Variants in CMKLR1 observed in about 807,000 individuals in gnomAD.
The protein encoded by CMKLR1 is chemerin chemokine-like receptor 1.
Under a neutral mutation model 8.2 loss-of-function variants are expected in CMKLR1, and 6 were observed. The ratio of observed to expected loss-of-function variants is 0.73; its 90% CI spans 0.40 to 1.44. The LOEUF (loss-of-function observed/expected upper bound fraction) is 1.44, where lower values mean the gene tolerates loss of function less well. CMKLR1 is among the 40% of genes most tolerant of loss of function. The pLI is 0.02. For missense variants in CMKLR1, 429 were observed against 478.0 expected (o/e 0.90, Z 0.96); for synonymous variants, 178 against 181.2 (o/e 0.98, Z 0.14).
intron 2 of CMKLR1, among the ~76,000 whole-genome samples, chr12:108,319,945 A>G (rs1891820965): frequency 6.6e-6 from 1 of 152,246 alleles, no homozygotes; most frequent in Middle Eastern, 3.4e-3. Flanking sequence ...ATAGAATACA[A>G]AGATATAGTT....
intron 3 of CMKLR1, 36 bp downstream of exon 3, chr12:108,293,553 G>A (rs1171425628): frequency 1.9e-6 from 3 of 1,551,212 alleles, no homozygotes; most frequent in Non-Finnish European, 2.6e-6. Context: ...GTGGTCACTG[G>A]TGCCCTTTGG....
In CMKLR1 at chr12:108,288,952, G is replaced by GCCCC. The variant is rs756662711; in HGVS notation, c.*2888_*2889insGGGG. On this transcript the variant is annotated 3_prime_UTR_variant, in exon 4 of 4. Transcript: ENST00000550402. ...TTCTTGAAACAGAAACTCACTTTCT[G>GCCCC]CACCCCCCCCCCACCTTGCTATGAT... is the stretch of plus-strand genomic sequence containing the variant. 1 of 109,998 alleles carries GCCCC rather than the reference G, an allele frequency of 9.1e-6. No individual in the cohort carries two copies. Among genetic ancestry groups the GCCCC allele is most frequent in the African/African-American group, 3.4e-5 (1 of 29,646 alleles). The allele number at this position is 109,998 out of a possible 1,614,324, so 6.8% of individuals were successfully genotyped here.
rs1890946535 is a variant in CMKLR1, at chr12:108,290,943, T to C, written c.*898A>G. 6.6e-6 allele frequency: 1 copy of C among 152,186 alleles called. No homozygotes were observed. The highest frequency in any genetic ancestry group is 1.5e-5 in the Non-Finnish European group (1 of 68,044). 9.4% of individuals were successfully genotyped at this position (152,186 alleles called of 1,614,324 possible). On this transcript the variant is annotated 3_prime_UTR_variant, in exon 4 of 4. Transcript: ENST00000550402. The stretch of plus-strand genomic sequence containing the variant: ...GCACCTCCAGCCAGAGCTGAGTGGA[T>C]TAGGAAAGGCAGAAAAAAATCCCTG...
intron 2 of CMKLR1, chr12:108,317,789 T>C (rs887839077): frequency 2.0e-5 from 3 of 152,234 alleles, no homozygotes; most frequent in African/African-American, 7.2e-5. Context: ...GTTCAAACCA[T>C]CTAAAACTAT....
chr12:108,338,795 G>T (rs1294688702), intron 1 of CMKLR1, among the ~76,000 whole-genome samples: 1 of 152,200 alleles, frequency 6.6e-6, no homozygotes, highest in Non-Finnish European at 1.5e-5. Flanking sequence ...CTGTGGTTAA[G>T]CAGGTTACCA....
At chr12:108,332,764 G>T (rs1008510936) in intron 1 of CMKLR1, among the ~76,000 whole-genome samples, 8 of 152,072 alleles carry the variant, frequency 5.3e-5, no homozygotes, top group Non-Finnish European at 7.4e-5. Flanking sequence ...TGTAGAGAGT[G>T]AACCGTAAGA....
At chr12:108,312,992 G>A (rs1222551942) in intron 2 of CMKLR1, among the ~76,000 whole-genome samples, 8 of 152,074 alleles carry the variant, frequency 5.3e-5, no homozygotes. Context: ...CTCCTGCCTA[G>A]GCTGCCAGCC....
intron 1 of CMKLR1, among the ~76,000 whole-genome samples, chr12:108,337,140 C>T (rs1414882661): frequency 3.3e-5 from 5 of 152,142 alleles, no homozygotes; most frequent in African/African-American, 1.2e-4. Context: ...CCAAGGTGCC[C>T]CTTCTTGCAC....
intron 2 of CMKLR1, among the ~76,000 whole-genome samples, chr12:108,311,145 C>T (rs1481513575): frequency 1.3e-5 from 2 of 152,150 alleles, no homozygotes; most frequent in Admixed American, 1.3e-4. Context: ...AAGTCAATGT[C>T]GTGATGACGA....
At chr12:108,319,132 C>T (rs1371085961) in intron 2 of CMKLR1, among the ~76,000 whole-genome samples, 3 of 152,192 alleles carry the variant, frequency 2.0e-5, no homozygotes, top group Non-Finnish European at 4.4e-5. Flanking sequence ...TGCCCTTTGC[C>T]AAGAACCCTG....
chr12:108,300,996 C>T (rs1433231986), intron 2 of CMKLR1, among the ~76,000 whole-genome samples: 1 of 151,430 alleles, frequency 6.6e-6, no homozygotes, highest in Non-Finnish European at 1.5e-5. Flanking sequence ...CGTTCCATCA[C>T]TGTAGAGCAG....
chr12:108,301,874 G>A (rs949678775), intron 2 of CMKLR1, among the ~76,000 whole-genome samples: 1 of 152,078 alleles, frequency 6.6e-6, no homozygotes, highest in Non-Finnish European at 1.5e-5. Flanking sequence ...GCTCATGTGG[G>A]AGCCCAGATC....
chr12:108,309,670 T>C (rs1244221533), intron 2 of CMKLR1, among the ~76,000 whole-genome samples: 2 of 152,224 alleles, frequency 1.3e-5, no homozygotes, highest in Admixed American at 6.5e-5. Flanking sequence ...GCACAGTCAG[T>C]ATTCTGAGAT....
chr12:108,316,539 G>A (rs1168069269), intron 2 of CMKLR1, among the ~76,000 whole-genome samples: 1 of 152,182 alleles, frequency 6.6e-6, no homozygotes, highest in Non-Finnish European at 1.5e-5. Flanking sequence ...TCCCCAGGAA[G>A]AGAGACCCAG....
At chr12:108,304,272 C>A (rs1401813108) in intron 2 of CMKLR1, among the ~76,000 whole-genome samples, 2 of 152,142 alleles carry the variant, frequency 1.3e-5, no homozygotes, top group Non-Finnish European at 2.9e-5. Flanking sequence ...GTTCTCCTTG[C>A]CATTACCAGG....
chr12:108,328,370 T>C (rs1892031952), intron 2 of CMKLR1, among the ~76,000 whole-genome samples: 1 of 152,174 alleles, frequency 6.6e-6, no homozygotes, highest in South Asian at 2.1e-4. Flanking sequence ...CCACGCTTTA[T>C]TTTTTAGCCC....
intron 2 of CMKLR1, among the ~76,000 whole-genome samples, chr12:108,307,248 T>C (rs1593165772): frequency 6.6e-6 from 1 of 152,090 alleles, no homozygotes; most frequent in Non-Finnish European, 1.5e-5. Flanking sequence ...GCAGCTGGGG[T>C]GAGTGACTTC....
Position 108,292,324 on chromosome 12 carries a change from C to G in CMKLR1, c.639G>C (p.Gly213=). ...WPTHSQMDPV[G]YSRHMVVTVT... Reference sequence around the variant, plus strand: ...CAGTCACCACCATGTGCCGGCTATACCCCACAGGGTCCATTTGGGAGTGAG... The same window carrying G: ...CAGTCACCACCATGTGCCGGCTATAGCCCACAGGGTCCATTTGGGAGTGAG... The change falls in exon 4 of 4, where the codon GGG becomes GGC. Residue 213 remains glycine, a synonymous_variant. Transcript: ENST00000550402. 1.2e-6 allele frequency: 2 copies of G among 1,614,140 alleles called. No individual in the cohort carries two copies. Among genetic ancestry groups the G allele is most frequent in the East Asian group, 2.2e-5 (1 of 44,886 alleles).
At chr12:108,301,744 C>CT (rs1891281750) in intron 2 of CMKLR1, among the ~76,000 whole-genome samples, 1 of 152,204 alleles carries the variant, frequency 6.6e-6, no homozygotes, top group African/African-American at 2.4e-5. Context: ...TGGAAACATA[C>CT]AGAGCTTAAT....
Sources: allele counts gnomAD v4.1 joint callset (sites outside exome capture counted in the v4.1 genomes callset), GRCh38; gene constraint gnomAD v4.1.1; transcripts MANE v1.5; gene names NCBI Gene and HGNC (gene_info 2026-07-23, HGNC 2026-07-21).